The following DPP8 variants were observed in gnomAD, a reference collection of about 807,000 sequenced individuals.
DPP8 encodes dipeptidyl peptidase 8, also known as DPP VIII.
DPP8 carries 31 observed loss-of-function variants against 107.5 expected under a neutral mutation model. That is an observed-to-expected ratio of 0.29 (90% CI 0.22 to 0.39). The LOEUF is 0.39. DPP8 is among the 10% of genes least tolerant of loss of function. The pLI is 1.00. For missense variants in DPP8, 842 were observed against 1,076.1 expected, an observed-to-expected ratio of 0.78 and a Z score of 3.04; for synonymous variants, 381 against 356.6, an observed-to-expected ratio of 1.07 and a Z score of -0.77.
At chr15:65,497,805 G>T (rs1396508993) in intron 5 of DPP8, 59 bp downstream of exon 5, 7 of 1,289,570 alleles carry the variant, frequency 5.4e-6, no homozygotes, top group Non-Finnish European at 5.1e-6. Context: ...AATGCAAGCA[G>T]CAAATTATAC....
At chr15:65,465,167 CT>C (rs199937501) in intron 14 of DPP8, among the ~76,000 whole-genome samples, 13,168 of 127,550 alleles carry the variant, frequency 0.1, 782 homozygotes, top group African/African-American at 0.23. Flanking sequence ...TTTGTTTTTT[CT>C]TTTTTTTTTT....
Position 65,453,432 on chromosome 15 carries a change from T to C in DPP8, c.2271+831A>G, listed in dbSNP as rs117156444. 3.3e-3 allele frequency among the ~76,000 whole-genome samples: 496 copies of C among 151,226 alleles called. 4 individuals carry two copies. The highest frequency in any genetic ancestry group is 9.9e-3 in the East Asian group (51 of 5,158). ...ATTATACATGTTTAAAAGAAAAATA[T>C]ACACACACACACACACACATACATA... On this transcript the variant is annotated intron_variant, in intron 17 of 19. Transcript: ENST00000300141.
chr15:65,468,366 A>C (rs1460840242), intron 12 of DPP8, among the ~76,000 whole-genome samples: 1 of 152,084 alleles, frequency 6.6e-6, no homozygotes, highest in East Asian at 1.9e-4. Context: ...ATGGTGATGC[A>C]TCCCTGTAGT....
intron 5 of DPP8, among the ~76,000 whole-genome samples, chr15:65,493,075 G>A (rs544987933): frequency 2.1e-4 from 32 of 151,742 alleles, no homozygotes; most frequent in Non-Finnish European, 4.0e-4. Flanking sequence ...TTCCTTTTCT[G>A]TTTTCTTTCT....
intron 2 of DPP8, among the ~76,000 whole-genome samples, chr15:65,509,715 T>C (rs1455568218): frequency 6.6e-6 from 1 of 152,210 alleles, no homozygotes; most frequent in African/African-American, 2.4e-5. Flanking sequence ...AAATGTATGA[T>C]TTCTTATAAA....
chr15:65,462,958 G>A (rs2065042500), intron 15 of DPP8, among the ~76,000 whole-genome samples: 1 of 152,092 alleles, frequency 6.6e-6, no homozygotes, highest in Non-Finnish European at 1.5e-5. Flanking sequence ...GAAAATCAAG[G>A]TATAAACTTC....
intron 15 of DPP8, among the ~76,000 whole-genome samples, chr15:65,462,096 G>C (rs1472894148): frequency 6.6e-6 from 1 of 151,932 alleles, no homozygotes; most frequent in East Asian, 1.9e-4. Context: ...AGTCTCCCTA[G>C]TAGCTGGGAT....
intron 19 of DPP8, among the ~76,000 whole-genome samples, chr15:65,449,023 C>G (rs2063767295): frequency 7.0e-6 from 1 of 141,928 alleles, no homozygotes; most frequent in African/African-American, 2.6e-5. Flanking sequence ...GCCTAGCCAA[C>G]ATGGTGAAAC....
At chr15:65,484,068 C>T (rs1289589283) in intron 8 of DPP8, among the ~76,000 whole-genome samples, 1 of 152,042 alleles carries the variant, frequency 6.6e-6, no homozygotes, top group East Asian at 1.9e-4. Context: ...GTGGCTCATG[C>T]CTGTAATCCC....
intron 1 of DPP8, 37 bp from the exon 2 acceptor site, chr15:65,512,601 T>C: frequency 6.2e-7 from 1 of 1,601,816 alleles, no homozygotes; most frequent in Non-Finnish European, 8.5e-7. Context: ...TTCACGGGTC[T>C]ATCTTCTATT....
intron 5 of DPP8, among the ~76,000 whole-genome samples, chr15:65,491,160 CA>C (rs764574499): frequency 0.25 from 13,823 of 54,940 alleles, 276 homozygotes; most frequent in African/African-American, 0.31. Context: ...GACTCCGTCT[CA>C]AAAAAAAAAA....
intron 12 of DPP8, among the ~76,000 whole-genome samples, 180 bp downstream of exon 12, chr15:65,474,029 G>A (rs369533173): frequency 1.3e-5 from 2 of 152,038 alleles, no homozygotes; most frequent in East Asian, 1.9e-4. Flanking sequence ...GCTTGAACCC[G>A]GGAGGTGGAA....
rs75353362 is a variant in DPP8 at position 65,478,711 on chromosome 15, C to T, written c.1456+169G>A. 1.3e-3 allele frequency among the ~76,000 whole-genome samples: 199 copies of T among 152,258 alleles called. 2 individuals are homozygous for T. In the East Asian group the frequency reaches 0.034, roughly 26 times the overall value. On this transcript the variant is annotated intron_variant, in intron 11 of 19. Coordinates refer to ENST00000300141, the MANE Select transcript of DPP8 (RefSeq NM_130434.5). ...CGTGTCAATCCATTAAGAACATTGTCCTGTGTTTTTTACACATACATGTAT... is the reference window on the plus strand; with the variant it reads ...CGTGTCAATCCATTAAGAACATTGTTCTGTGTTTTTTACACATACATGTAT...
chr15:65,516,034 G>C (rs1319808863), intron 1 of DPP8: 1 of 395,326 alleles, frequency 2.5e-6, no homozygotes, highest in Admixed American at 4.4e-5. Context: ...AGCAAACTTT[G>C]GTGTCCAGAC....
intron 5 of DPP8, among the ~76,000 whole-genome samples, chr15:65,494,507 AC>A (rs1198205775): frequency 1.4e-4 from 21 of 151,938 alleles, no homozygotes; most frequent in African/African-American, 5.1e-4. Flanking sequence ...CCTCATCTCT[AC>A]AAAAAAAATT....
At chr15:65,456,173 G>A in intron 16 of DPP8, 52 bp downstream of exon 16, 7 of 1,578,876 alleles carry the variant, frequency 4.4e-6, no homozygotes, top group South Asian at 2.3e-5. Context: ...ACCAAACAAT[G>A]GACCAGAAAA....
At chr15:65,490,419 C>G in intron 5 of DPP8, 120 bp from the exon 6 acceptor site, 1 of 695,546 alleles carries the variant, frequency 1.4e-6, no homozygotes, top group Non-Finnish European at 2.5e-6. Context: ...TGGAGCTGAA[C>G]GGACTGAGTT....
chr15:65,490,633 T>A (rs537907280), intron 5 of DPP8, among the ~76,000 whole-genome samples: 1 of 152,252 alleles, frequency 6.6e-6, no homozygotes, highest in African/African-American at 2.4e-5. Flanking sequence ...ATTAGCAGGA[T>A]CATGGAAAAA....
intron 5 of DPP8, among the ~76,000 whole-genome samples, chr15:65,495,298 T>C (rs1023727085): frequency 1.3e-5 from 2 of 152,170 alleles, no homozygotes; most frequent in Admixed American, 1.3e-4. Context: ...TGTCTCACAT[T>C]GGTGCTCTTA....
Sources: allele counts gnomAD v4.1 joint callset (sites outside exome capture counted in the v4.1 genomes callset), GRCh38; gene constraint gnomAD v4.1.1; transcripts MANE v1.5; gene names NCBI Gene and HGNC (gene_info 2026-07-23, HGNC 2026-07-21).